ADGB: variants seen among roughly 807,000 people sequenced by gnomAD.
ADGB encodes calpain-7-like protein.
A neutral mutation model predicts 210.5 loss-of-function variants in ADGB; 172 were observed. The ratio of observed to expected loss-of-function variants is 0.82; its 90% CI spans 0.72 to 0.93. The LOEUF is 0.93. Ranked by LOEUF, ADGB falls within the 40% of genes least tolerant of loss-of-function variation. The probability of loss-of-function intolerance (pLI) is 0.00; values close to 1 mark genes in which losing one functional copy is unlikely to be tolerated. For missense variants in ADGB, 2,025 were observed against 1,964.8 expected (o/e 1.03, Z -0.58); for synonymous variants, 658 against 662.7 (o/e 0.99, Z 0.11).
intron 10 of ADGB, among the ~76,000 whole-genome samples, chr6:146,688,284 T>G (rs1436462729): frequency 4.0e-5 from 6 of 150,912 alleles, no homozygotes; most frequent in Admixed American, 2.0e-4. Context: ...TATGGTTAAA[T>G]GAATGAAAAA....
chr6:146,685,285 C>CTT (rs145524589), intron 9 of ADGB, among the ~76,000 whole-genome samples: 4,088 of 152,046 alleles, frequency 0.027, 187 homozygotes, highest in African/African-American at 0.092. Context: ...ATTCATTTTA[C>CTT]TTATGTTTTC....
chr6:146,774,862 T>C (rs2114636865), intron 29 of ADGB, among the ~76,000 whole-genome samples: 1 of 152,258 alleles, frequency 6.6e-6, no homozygotes, highest in African/African-American at 2.4e-5. Context: ...AACCTCCTCC[T>C]CCTGGGCTGA....
Position 146,740,575 on chromosome 6 carries a change from C to G in ADGB, c.3005C>G (p.Ser1002Cys). The G allele has an allele frequency of 6.4e-7, 1 of 1,550,700 alleles. No individual in the cohort carries two copies. ...ACTTATCAAGAACAGCCACCAAATTCTTGGTTTATAGTATTCAGGTGAGGT... is the reference window on the plus strand; with the variant it reads ...ACTTATCAAGAACAGCCACCAAATTGTTGGTTTATAGTATTCAGGTGAGGT... ...TVTYQEQPPN[S>C]WFIVFRETFL... The change falls in exon 24 of 36, where the codon TCT (serine) becomes TGT (cysteine). Residue 1002 changes from serine (S) to cysteine (C), a missense_variant. Ser to Cys is a moderately radical substitution (Grantham distance 112, BLOSUM62 -1). Transcript: ENST00000397944.
intron 10 of ADGB, among the ~76,000 whole-genome samples, chr6:146,687,166 G>A (rs1383789570): frequency 6.6e-6 from 1 of 152,056 alleles, no homozygotes; most frequent in African/African-American, 2.4e-5. Context: ...ATTAGCCATG[G>A]TTAAATAGCA....
At chr6:146,744,455 A>G (rs1046755039) in intron 25 of ADGB, among the ~76,000 whole-genome samples, 7 of 152,186 alleles carry the variant, frequency 4.6e-5, no homozygotes, top group African/African-American at 1.7e-4. Context: ...ATCTTATGAA[A>G]AAAGTAAATA....
intron 1 of ADGB, among the ~76,000 whole-genome samples, chr6:146,616,254 A>T (rs1583560391): frequency 8.0e-6 from 1 of 125,354 alleles, no homozygotes; most frequent in African/African-American, 3.0e-5. Context: ...CTATTTTTTA[A>T]TTGTATTATT....
chr6:146,658,363 A>C (rs987879685), intron 5 of ADGB, among the ~76,000 whole-genome samples: 7 of 152,102 alleles, frequency 4.6e-5, no homozygotes, highest in Admixed American at 4.6e-4. Context: ...GCAGAGGAGC[A>C]AGCAGAAGGG....
At chr6:146,698,354 C>T (rs928303724) in intron 12 of ADGB, among the ~76,000 whole-genome samples, 2 of 152,158 alleles carry the variant, frequency 1.3e-5, no homozygotes, top group Non-Finnish European at 2.9e-5. Flanking sequence ...AGACTATAAT[C>T]TATGATAGGA....
intron 29 of ADGB, among the ~76,000 whole-genome samples, chr6:146,774,178 T>C (rs1338363183): frequency 1.6e-4 from 24 of 152,184 alleles, no homozygotes; most frequent in Non-Finnish European, 5.9e-5. Context: ...ATATGACCCA[T>C]ATTGTTTTTC....
At chr6:146,651,166 C>T (rs540100088) in intron 3 of ADGB, among the ~76,000 whole-genome samples, 1 of 152,320 alleles carries the variant, frequency 6.6e-6, no homozygotes, top group South Asian at 2.1e-4. Context: ...AGCTGCTGGT[C>T]CCAGGTATGG....
intron 35 of ADGB, among the ~76,000 whole-genome samples, chr6:146,810,984 GTT>G (rs769761319): frequency 1.3e-5 from 2 of 152,088 alleles, no homozygotes; most frequent in Non-Finnish European, 2.9e-5. Flanking sequence ...AACATATACA[GTT>G]TATTTTCCAA....
At chr6:146,643,764 C>T (rs1299493001) in intron 2 of ADGB, among the ~76,000 whole-genome samples, 1 of 151,876 alleles carries the variant, frequency 6.6e-6, no homozygotes, top group Admixed American at 6.6e-5. Context: ...CCCACATGTT[C>T]TTCAATAAAC....
chr6:146,769,790 C>T (rs1425420706), intron 29 of ADGB, among the ~76,000 whole-genome samples: 2 of 152,026 alleles, frequency 1.3e-5, no homozygotes, highest in African/African-American at 2.4e-5. Context: ...ATAAAATAAA[C>T]CCATGCAATA....
chr6:146,777,567 T>C (rs1777738429), intron 29 of ADGB, among the ~76,000 whole-genome samples: 1 of 152,194 alleles, frequency 6.6e-6, no homozygotes, highest in Non-Finnish European at 1.5e-5. Context: ...TTTGAGGCCC[T>C]ATCACAGACC....
chr6:146,619,306 T>G (rs1780850519), intron 1 of ADGB, among the ~76,000 whole-genome samples: 1 of 152,066 alleles, frequency 6.6e-6, no homozygotes, highest in Non-Finnish European at 1.5e-5. Context: ...TTTGGATCAT[T>G]TTTTAAAAAT....
At chr6:146,726,897 G>T (rs1289912865) in intron 19 of ADGB, among the ~76,000 whole-genome samples, 1 of 152,096 alleles carries the variant, frequency 6.6e-6, no homozygotes, top group East Asian at 1.9e-4. Context: ...GGAATCTGGA[G>T]CATGTGCCTG....
At chr6:146,648,181 T>C (rs1350009438) in intron 3 of ADGB, among the ~76,000 whole-genome samples, 1 of 152,132 alleles carries the variant, frequency 6.6e-6, no homozygotes, top group Non-Finnish European at 1.5e-5. Flanking sequence ...TACTTTCATA[T>C]TTATATAAAT....
chr6:146,683,299 A>T (rs1776181871), intron 9 of ADGB, among the ~76,000 whole-genome samples: 1 of 152,124 alleles, frequency 6.6e-6, no homozygotes, highest in Admixed American at 6.6e-5. Flanking sequence ...GTTACATAAT[A>T]GTTCACTGAG....
chr6:146,612,499 G>T (rs1780726115), intron 1 of ADGB, among the ~76,000 whole-genome samples: 1 of 152,052 alleles, frequency 6.6e-6, no homozygotes, highest in Admixed American at 6.6e-5. Context: ...TCTCTTTTGT[G>T]CATCACATTC....
Sources: gnomAD v4.1 joint callset for allele counts (sites outside exome capture counted in the v4.1 genomes callset) on GRCh38, gnomAD v4.1.1 for gene constraint, MANE v1.5 for transcripts, NCBI Gene and HGNC (gene_info 2026-07-23, HGNC 2026-07-21) for gene names.